Variants in ATP2C2 observed in about 807,000 individuals in gnomAD.
ATP2C2 encodes ATPase secretory pathway Ca2+ transporting 2, also known as calcium-transporting ATPase type 2C member 2.
A neutral mutation model predicts 110.8 loss-of-function variants in ATP2C2; 171 were observed. The ratio of observed to expected loss-of-function variants is 1.54; its 90% CI spans 1.36 to 1.75. The LOEUF is 1.75. Among genes scored for constraint, ATP2C2 ranks in the 40% most tolerant of loss-of-function variants. The pLI is 0.00. For missense variants in ATP2C2, 1,963 were observed against 1,235.0 expected, an observed-to-expected ratio of 1.59 and a Z score of -8.84; for synonymous variants, 804 against 508.4, an observed-to-expected ratio of 1.58 and a Z score of -7.82.
intron 7 of ATP2C2, 88 bp from the exon 8 acceptor site, chr16:84,422,302 A>G (rs1475455868): frequency 6.9e-6 from 10 of 1,457,440 alleles, no homozygotes; most frequent in Middle Eastern, 3.7e-4. Flanking sequence ...GTTCATGTCC[A>G]TGAAGGTGCT....
In ATP2C2 at chr16:84,461,304, C is replaced by T. The variant is rs116408656; in HGVS notation, c.2482-410C>T. On this transcript the variant is annotated intron_variant, in intron 24 of 26. Coordinates refer to ENST00000262429, the MANE Select transcript of ATP2C2 (RefSeq NM_014861.4). ...CCACAGATTGCCCATGTGCAGGAAGCGGGAGGGGACCCTGGCCGGGTACCC... is the reference window on the plus strand; with the variant it reads ...CCACAGATTGCCCATGTGCAGGAAGTGGGAGGGGACCCTGGCCGGGTACCC... The T allele has an allele frequency of 8.9e-3, 2,624 of 295,384 alleles. 73 individuals carry two copies. Among genetic ancestry groups the T allele is most frequent in the African/African-American group, 0.052 (2,378 of 46,114 alleles). The allele number at this position is 295,384 out of a possible 1,614,324, so 18.3% of individuals were successfully genotyped here. A position where few individuals can be genotyped will look rare whatever the true frequency, so the allele number is the denominator to read the frequency against.
chr16:84,401,629 G>A (rs1035525563), intron 2 of ATP2C2, among the ~76,000 whole-genome samples: 2 of 152,142 alleles, frequency 1.3e-5, no homozygotes, highest in African/African-American at 2.4e-5. Flanking sequence ...TGTCGAAAAC[G>A]AGTTCACTGT....
intron 17 of ATP2C2, among the ~76,000 whole-genome samples, chr16:84,449,613 C>G (rs1353786779): frequency 1.3e-5 from 2 of 152,156 alleles, no homozygotes; most frequent in African/African-American, 2.4e-5. Context: ...AGAAGCCAGG[C>G]CCAGCTTCTG....
chr16:84,460,658 G>C lies in ATP2C2; in HGVS notation c.2338G>C (p.Gly780Arg), dbSNP rs141229929. 5.3e-5 allele frequency: 86 copies of C among 1,614,080 alleles called. No individual in the cohort carries two copies. The highest frequency in any genetic ancestry group is 2.9e-4 in the South Asian group (26 of 91,074). Reference protein sequence around the residue: ...IMDGPPAQSLGVEPVDKDAFR... With the variant: ...IMDGPPAQSLRVEPVDKDAFR... ...TCTGTGTCTTGTTCGGAGCAGCTTG[G>C]GGGTAGAGCCCGTTGACAAAGACGC... Residue 780 changes from glycine (G) to arginine (R), a missense_variant, in exon 24 of 27, where the codon GGG becomes CGG. Transcript: ENST00000262429.
intron 23 of ATP2C2, 167 bp downstream of exon 23, chr16:84,459,553 T>A (rs749468753): frequency 6.5e-7 from 1 of 1,538,132 alleles, no homozygotes; most frequent in South Asian, 1.2e-5. Flanking sequence ...AGACTGGGAG[T>A]AGAAGGCAGA....
intron 1 of ATP2C2, among the ~76,000 whole-genome samples, chr16:84,394,321 A>T (rs144067614): frequency 6.6e-6 from 1 of 152,140 alleles, no homozygotes; most frequent in African/African-American, 2.4e-5. Flanking sequence ...GTTCTGAAAC[A>T]TTTGAAAGAA....
chr16:84,437,608 C>G (rs1305233740), intron 11 of ATP2C2, among the ~76,000 whole-genome samples: 1 of 152,192 alleles, frequency 6.6e-6, no homozygotes, highest in Admixed American at 6.5e-5. Flanking sequence ...CTCCGCCTCT[C>G]AGGTTCAAGC....
At chr16:84,446,726 G>A (rs542984117) in intron 16 of ATP2C2, among the ~76,000 whole-genome samples, 3 of 152,252 alleles carry the variant, frequency 2.0e-5, no homozygotes, top group African/African-American at 7.2e-5. Flanking sequence ...CTCCTGAGTC[G>A]AAGGGTCCAG....
intron 7 of ATP2C2, among the ~76,000 whole-genome samples, chr16:84,418,598 C>T (rs941684968): frequency 6.6e-6 from 1 of 152,232 alleles, no homozygotes; most frequent in Admixed American, 6.5e-5. Flanking sequence ...CGTTATTTTA[C>T]TACACGGACA....
chr16:84,395,634 A>G (rs13336938), intron 1 of ATP2C2, among the ~76,000 whole-genome samples: 1 of 151,362 alleles, frequency 6.6e-6, no homozygotes, highest in African/African-American at 2.4e-5. Flanking sequence ...CTCAGCCTCC[A>G]GAGTCGCTGA....
intron 1 of ATP2C2, among the ~76,000 whole-genome samples, chr16:84,396,515 A>G (rs913366619): frequency 1.4e-5 from 2 of 141,664 alleles, no homozygotes; most frequent in Non-Finnish European, 3.0e-5. Flanking sequence ...GCACCACTGC[A>G]CTCCAGCCTG....
At chr16:84,453,516 G>GTT (rs1910511719) in intron 20 of ATP2C2, 145 bp downstream of exon 20, 3 of 1,121,878 alleles carry the variant, frequency 2.7e-6, no homozygotes, top group Admixed American at 3.8e-5. Context: ...TGCCCCGGGA[G>GTT]TTACCTTTTC....
intron 1 of ATP2C2, among the ~76,000 whole-genome samples, chr16:84,384,334 C>T (rs1023195295): frequency 2.6e-5 from 4 of 152,262 alleles, no homozygotes; most frequent in Middle Eastern, 3.4e-3. Context: ...ATTCCAGGCT[C>T]GGGGACGTCA....
intron 11 of ATP2C2, 185 bp from the exon 12 acceptor site, chr16:84,438,980 AG>A: frequency 1.4e-6 from 1 of 739,010 alleles, no homozygotes; most frequent in South Asian, 2.1e-5. Flanking sequence ...TCTGCAGGGG[AG>A]GGCTCAGGAC....
chr16:84,399,387 T>C (rs1310673306), intron 2 of ATP2C2, among the ~76,000 whole-genome samples: 1 of 152,236 alleles, frequency 6.6e-6, no homozygotes, highest in Admixed American at 6.5e-5. Flanking sequence ...TAGATTTTCT[T>C]TCACTATTCA....
Position 84,462,033 on chromosome 16 carries a change from C to G in ATP2C2, c.2626C>G (p.Leu876Val). 6.2e-7 allele frequency: 1 copy of G among 1,614,088 alleles called. No individual in the cohort carries two copies. The highest frequency in any genetic ancestry group is 8.5e-7 in the Non-Finnish European group (1 of 1,179,984). Residue 876 changes from leucine to valine, a missense_variant, in exon 26 of 27, where the codon CTC becomes GTC. Transcript: ENST00000262429. ...CGGCTTTCTCAGGAACCACATGTTC[C>G]TCTACTCCGTCCTGGGGTCCATCCT... ...EIGFLRNHMF[L>V]YSVLGSILGQ...
intron 2 of ATP2C2, among the ~76,000 whole-genome samples, chr16:84,400,393 C>T (rs1220387294): frequency 1.3e-5 from 2 of 149,404 alleles, no homozygotes; most frequent in African/African-American, 5.0e-5. Flanking sequence ...GTGGCGCGAT[C>T]TCTGCTCACT....
At chr16:84,433,296 T>C (rs982146923) in intron 11 of ATP2C2, among the ~76,000 whole-genome samples, 5 of 151,992 alleles carry the variant, frequency 3.3e-5, no homozygotes, top group Admixed American at 6.6e-5. Flanking sequence ...GGCGGGAGGA[T>C]TGCTTGAGCC....
intron 2 of ATP2C2, among the ~76,000 whole-genome samples, chr16:84,400,790 G>A (rs983138930): frequency 1.3e-5 from 2 of 152,170 alleles, no homozygotes; most frequent in African/African-American, 2.4e-5. Context: ...ATACCTCATT[G>A]TAGTTTTGAT....
Sources: allele counts gnomAD v4.1 joint callset (sites outside exome capture counted in the v4.1 genomes callset), GRCh38; gene constraint gnomAD v4.1.1; transcripts MANE v1.5; gene names NCBI Gene and HGNC (gene_info 2026-07-23, HGNC 2026-07-21).